SIGIRR: variants seen among roughly 807,000 people sequenced by gnomAD.
SIGIRR encodes the protein single Ig IL-1-related receptor.
In SIGIRR, 41 loss-of-function variants were observed where a neutral mutation model predicts 45.6. That is an observed-to-expected ratio of 0.90 (90% CI 0.70 to 1.17). The LOEUF (loss-of-function observed/expected upper bound fraction) is 1.17. Among genes scored for constraint, SIGIRR ranks in the 50% most tolerant of loss-of-function variants. The pLI, the probability that SIGIRR is intolerant of heterozygous loss-of-function variation, is 0.00. For synonymous variants in SIGIRR, 298 were observed against 239.0 expected, an observed-to-expected ratio of 1.25 and a Z score of -2.28; for missense variants, 599 against 539.6, an observed-to-expected ratio of 1.11 and a Z score of -1.09.
Position 407,892 on chromosome 11 carries a change from C to A in SIGIRR, c.406G>T (p.Ala136Ser). The change falls in exon 5 of 10, where the codon GCC (alanine) becomes TCC (serine). Residue 136 changes from alanine (A) to serine (S), a missense_variant. Coordinates refer to ENST00000431843, the MANE Select transcript of SIGIRR (RefSeq NM_001135054.2). ...AGACGGCACTTGACATAGAGCAGGG[C>A]GGCCAGCAGCAGGGCCAGCAGGACC... Reference protein sequence around the residue: ...LLVLLALLLAALLYVKCRLNV... With the variant: ...LLVLLALLLASLLYVKCRLNV... 1.2e-6 allele frequency: 2 copies of A among 1,612,412 alleles called. No individual in the cohort carries two copies. Among genetic ancestry groups the A allele is most frequent in the Non-Finnish European group, 1.7e-6 (2 of 1,179,798 alleles).
chr11:406,662 T>C, intron 8 of SIGIRR, 124 bp from the exon 9 acceptor site: 5 of 1,416,854 alleles, frequency 3.5e-6, no homozygotes, highest in South Asian at 1.5e-5. Flanking sequence ...ATTCCGTGGC[T>C]CCGGGGGCCT....
Position 407,111 on chromosome 11 carries a change from C to CA in SIGIRR, c.678_679insT (p.Val227CysfsTer114). On this transcript the variant is annotated frameshift_variant, in exon 7 of 10. Transcript: ENST00000431843. LOFTEE classifies it high-confidence loss of function. ...CGGCTCAGGAAGGCGTCCGAAAGCA[C>CA]CACGATGAGGCGTCGGCAGCGGCTC... 6.5e-6 allele frequency: 10 copies of CA among 1,538,446 alleles called. No individual in the cohort carries two copies. The highest frequency in any genetic ancestry group is 5.7e-5 in the Admixed American group (3 of 52,178).
In SIGIRR at chr11:406,923, C is replaced by A. The variant is rs760626385; in HGVS notation, c.799G>T (p.Asp267Tyr). The A allele has an allele frequency of 1.3e-6, 2 of 1,596,942 alleles. No individual in the cohort carries two copies. Among genetic ancestry groups the A allele is most frequent in the East Asian group, 4.5e-5 (2 of 44,368 alleles). The stretch of plus-strand genomic sequence containing the variant: ...AGGCGGAGCGCCGGGTGCGCGGGGT[C>A]GCGCCTCTGGCCCTCGAAGGTGATG... ...IFITFEGQRRDPAHPALRLLR... is the reference protein window; with the variant it reads ...IFITFEGQRRYPAHPALRLLR... Residue 267 changes from aspartate (D) to tyrosine (Y), a missense_variant, in exon 8 of 10, where the codon GAC becomes TAC. Physicochemically the swap from Asp to Tyr is radical, Grantham distance 160 (BLOSUM62 -3). Transcript: ENST00000431843.
rs368099166 is a variant in SIGIRR at position 406,299 on chromosome 11, C to T, written c.1069+50G>A. On this transcript the variant is annotated intron_variant, in intron 9 of 9. Coordinates refer to ENST00000431843, the MANE Select transcript of SIGIRR (RefSeq NM_001135054.2). ...CTGTGCCCTGTGCCTGCCCCCACTC[C>T]GCCCTGTGCTGAGCTTCTCCAGTTG... 1.6e-5 allele frequency: 25 copies of T among 1,590,740 alleles called. No individual in the cohort carries two copies. In the South Asian group the frequency reaches 1.7e-4, roughly 11 times the overall value.
In SIGIRR at chr11:407,939, G is replaced by A. The variant is rs1271860024; in HGVS notation, c.359C>T (p.Ala120Val). Reference sequence around the variant, plus strand: ...GACCAGGAGGGAGGCCAGCACCGCAGCCACGTGGCTTGTAGGGCCTGCGGA... The same window carrying A: ...GACCAGGAGGGAGGCCAGCACCGCAACCACGTGGCTTGTAGGGCCTGCGGA... Reference protein sequence around the residue: ...LQRAGPTSHVAAVLASLLVLL... With the variant: ...LQRAGPTSHVVAVLASLLVLL... Residue 120 changes from alanine to valine, a missense_variant, in exon 5 of 10, where the codon GCT becomes GTT. By Grantham distance (64) the Ala-to-Val change is moderately conservative. Transcript: ENST00000431843. The A allele has an allele frequency of 6.2e-7, 1 of 1,610,132 alleles. No homozygotes were observed. Among genetic ancestry groups the A allele is most frequent in the African/African-American group, 1.3e-5 (1 of 74,890 alleles).
chr11:407,418 G>T lies in SIGIRR; in HGVS notation c.625+7C>A. On this transcript the variant is annotated splice_region_variant and intron_variant, in intron 6 of 9. Transcript: ENST00000431843. ...GTGGGCGGGGCACGGGGTGGGGCCC[G>T]GGATACCAGCGCGCGGCAGGAGGTC... 1 of 1,541,426 alleles carries T rather than the reference G, an allele frequency of 6.5e-7. No individual in the cohort carries two copies. The highest frequency in any genetic ancestry group is 1.2e-5 in the South Asian group (1 of 83,844).
chr11:407,675 C>G, intron 5 of SIGIRR, 107 bp from the exon 6 acceptor site: 1 of 1,559,288 alleles, frequency 6.4e-7, no homozygotes, highest in Non-Finnish European at 8.7e-7. Flanking sequence ...CAGACCCGCC[C>G]CGGACTTTAA....
chr11:416,902 G>A (rs1205498913), upstream of SIGIRR, among the ~76,000 whole-genome samples: 1 of 152,106 alleles, frequency 6.6e-6, no homozygotes, highest in Non-Finnish European at 1.5e-5. The surrounding 1 kb of genome is among the most constrained non-coding windows in gnomAD (Gnocchi z 9.1). Flanking sequence ...AGCTCCACCC[G>A]GCGCCGGGCG....
Position 406,502 on chromosome 11 carries a change from C to T in SIGIRR, c.916G>A (p.Ala306Thr). The change falls in exon 9 of 10, where the codon GCG (alanine) becomes ACG (threonine). Residue 306 changes from alanine to threonine, a missense_variant. Transcript: ENST00000431843. ...CTGTACTGCACCTTCCGCGGCAGCG[C>T]CAGCTGCACTTCTTTCCAAAAATCG... is the stretch of plus-strand genomic sequence containing the variant. The part of the protein sequence containing the change: ...SSDFWKEVQL[A>T]LPRKVQYRPV... 2.5e-6 allele frequency: 4 copies of T among 1,611,038 alleles called. No individual in the cohort carries two copies. The highest frequency in any genetic ancestry group is 3.4e-6 in the Non-Finnish European group (4 of 1,178,566).
chr11:408,497 C>T (rs573029906), intron 3 of SIGIRR, among the ~76,000 whole-genome samples, 198 bp downstream of exon 3: 43 of 152,146 alleles, frequency 2.8e-4, no homozygotes, highest in African/African-American at 8.9e-4. Flanking sequence ...TGGGCAGTTA[C>T]GAGGTGTGTG....
At chr11:414,628 A>G (rs537275652) in intron 1 of SIGIRR, among the ~76,000 whole-genome samples, 195 bp downstream of exon 1, 2 of 152,116 alleles carry the variant, frequency 1.3e-5, no homozygotes, top group African/African-American at 4.8e-5. Context: ...AGAGCCTAGG[A>G]CCACAGGCAC....
chr11:415,259 C>G (rs1040369635), upstream of SIGIRR, among the ~76,000 whole-genome samples: 2 of 133,848 alleles, frequency 1.5e-5, no homozygotes, highest in East Asian at 2.4e-4. The surrounding 1 kb of genome is among the most constrained non-coding windows in gnomAD (Gnocchi z 6.6). Flanking sequence ...TGCAGTGTGT[C>G]TGCGTGTGTG....
chr11:409,564 T>C (rs147673612), intron 2 of SIGIRR: 5 of 408,152 alleles, frequency 1.2e-5, no homozygotes, highest in Non-Finnish European at 2.2e-5. Flanking sequence ...TATGGTCTCC[T>C]GCCAGCTCAC....
chr11:408,901 G>A lies in SIGIRR; in HGVS notation c.8-8C>T. ...GGGCCCTATCACAGACACCTGAAGA[G>A]AGAGGACACAGTGGGTCAGCTGTGC... On this transcript the variant is annotated splice_polypyrimidine_tract_variant and splice_region_variant and intron_variant, in intron 2 of 9. Transcript: ENST00000431843. The A allele has an allele frequency of 6.2e-7, 1 of 1,612,284 alleles. No homozygotes were observed. The highest frequency in any genetic ancestry group is 2.2e-5 in the East Asian group (1 of 44,888).
In SIGIRR at chr11:414,848, G is replaced by A. The variant is rs1030405458; in HGVS notation, c.-179C>T. 3.0e-6 allele frequency: 3 copies of A among 985,422 alleles called. No homozygotes were observed. The highest frequency in any genetic ancestry group is 1.1e-4 in the East Asian group (1 of 8,824). The allele number at this position is 985,422 out of a possible 1,614,324, so 61.0% of individuals were successfully genotyped here. A position where few individuals can be genotyped will look rare whatever the true frequency, so the allele number is the denominator to read the frequency against. ...CTGGTTCCAGTTCTTTCCTCCGGGG[G>A]GCAAATGTTGGTCATTGGTGCGCCT... On this transcript the variant is annotated 5_prime_UTR_variant, in exon 1 of 10. Coordinates refer to ENST00000431843, the MANE Select transcript of SIGIRR (RefSeq NM_001135054.2).
chr11:415,331 G>A (rs1348071697), upstream of SIGIRR, among the ~76,000 whole-genome samples: 2 of 151,906 alleles, frequency 1.3e-5, no homozygotes, highest in African/African-American at 4.8e-5. The surrounding 1 kb of genome is among the most constrained non-coding windows in gnomAD (Gnocchi z 6.6). Flanking sequence ...GTTGTGGGGT[G>A]GGGGGTGCTC....
upstream of SIGIRR, among the ~76,000 whole-genome samples, chr11:415,980 A>C (rs951006716): frequency 1.6e-4 from 24 of 152,118 alleles, 1 homozygote; most frequent in Non-Finnish European, 1.9e-4. This position sits in a 1 kb window ranked among gnomAD's most constrained non-coding sequence, Gnocchi z 6.6. Flanking sequence ...GGCTTTCTAC[A>C]GGTACTTGTC....
Position 408,850 on chromosome 11 carries a change from G to C in SIGIRR, c.51C>G (p.Asp17Glu). 6.2e-7 allele frequency: 1 copy of C among 1,612,774 alleles called. No individual in the cohort carries two copies. Among genetic ancestry groups the C allele is most frequent in the Non-Finnish European group, 8.5e-7 (1 of 1,179,978 alleles). Residue 17 changes from aspartate to glutamate, a missense_variant, in exon 3 of 10, where the codon GAC becomes GAG. Transcript: ENST00000431843. ...RAPDFLSPSE[D>E]QVLRPALGSS... ...TGCCCAAGGCAGGCCTCAGCACCTGGTCTTCAGACGGGGAGAGGAAGTCAG... is the reference window on the plus strand; with the variant it reads ...TGCCCAAGGCAGGCCTCAGCACCTGCTCTTCAGACGGGGAGAGGAAGTCAG...
In SIGIRR at chr11:407,472, C is replaced by A. The variant is rs762785896; in HGVS notation, c.578G>T (p.Arg193Leu). ...FILKPQLERR[R>L]GYKLFLDDRD... Reference sequence around the variant, plus strand: ...GTCGTCCAGGAAGAGCTTGTAGCCCCGACGCCGCTCCAGCTGCGGCTTTAG... The same window carrying A: ...GTCGTCCAGGAAGAGCTTGTAGCCCAGACGCCGCTCCAGCTGCGGCTTTAG... Residue 193 changes from arginine to leucine, a missense_variant, in exon 6 of 10, where the codon CGG becomes CTG. By Grantham distance (102) the Arg-to-Leu change is moderately radical. Coordinates refer to ENST00000431843, the MANE Select transcript of SIGIRR (RefSeq NM_001135054.2). The A allele has an allele frequency of 1.9e-6, 3 of 1,573,764 alleles. No homozygotes were observed. Among genetic ancestry groups the A allele is most frequent in the South Asian group, 2.3e-5 (2 of 86,484 alleles).
Sources: allele counts gnomAD v4.1 joint callset (sites outside exome capture counted in the v4.1 genomes callset), GRCh38; gene constraint gnomAD v4.1.1; non-coding constraint Gnocchi (gnomAD v3.1); transcripts MANE v1.5; gene names NCBI Gene and HGNC (gene_info 2026-07-23, HGNC 2026-07-21).